Variants in ATP8A2 observed in about 807,000 individuals in gnomAD.
ATP8A2 encodes the protein phospholipid-transporting ATPase IB.
In ATP8A2, 100 loss-of-function variants were observed where a neutral mutation model predicts 165.6. The observed-to-expected ratio is 0.60, with a 90% CI of 0.51 to 0.71. The LOEUF (loss-of-function observed/expected upper bound fraction) is 0.71. ATP8A2 is among the 30% of genes least tolerant of loss of function. The pLI, the probability that ATP8A2 is intolerant of heterozygous loss-of-function variation, is 0.00. For synonymous variants in ATP8A2, 543 were observed against 548.8 expected, an observed-to-expected ratio of 0.99 and a Z score of 0.15; for missense variants, 1,227 against 1,479.5, an observed-to-expected ratio of 0.83 and a Z score of 2.80.
intron 30 of ATP8A2, among the ~76,000 whole-genome samples, chr13:25,851,540 GCCAC>G (rs1952009123): frequency 6.7e-6 from 1 of 149,498 alleles, no homozygotes; most frequent in African/African-American, 2.5e-5. Context: ...CTGAGATCGC[GCCAC>G]TGCACTCCAG....
chr13:25,853,389 T>TAAAAAA (rs58660867), intron 30 of ATP8A2, among the ~76,000 whole-genome samples: 14 of 72,272 alleles, frequency 1.9e-4, no homozygotes, highest in Admixed American at 6.4e-4. Flanking sequence ...AGACTCTATC[T>TAAAAAA]AAAAAAAATA....
At chr13:25,585,137 G>C (rs947860416) in intron 23 of ATP8A2, among the ~76,000 whole-genome samples, 7 of 152,182 alleles carry the variant, frequency 4.6e-5, no homozygotes, top group African/African-American at 1.7e-4. Context: ...CAATCATCTT[G>C]TGTATAGGTT....
chr13:25,540,459 T>C lies in ATP8A2; in HGVS notation c.651+71T>C. Reference sequence around the variant, plus strand: ...GCAAATGTGGTCCCCACATATCTTTTTCTAGAGAAATAAAATATTCAGCCA... The same window carrying C: ...GCAAATGTGGTCCCCACATATCTTTCTCTAGAGAAATAAAATATTCAGCCA... On this transcript the variant is annotated intron_variant, in intron 8 of 36. Transcript: ENST00000381655. The C allele has an allele frequency of 3.6e-6, 4 of 1,112,590 alleles. No homozygotes were observed. In the East Asian group the frequency reaches 9.4e-5, roughly 26 times the overall value. The allele number at this position is 1,112,590 out of a possible 1,614,324, so 68.9% of individuals were successfully genotyped here. A position where few individuals can be genotyped will look rare whatever the true frequency, so the allele number is the denominator to read the frequency against.
chr13:25,664,064 G>A (rs1190149356), intron 24 of ATP8A2, among the ~76,000 whole-genome samples: 4 of 151,806 alleles, frequency 2.6e-5, no homozygotes, highest in Non-Finnish European at 5.9e-5. Flanking sequence ...CAAAAATTAG[G>A]CTAGTGTGGT....
intron 34 of ATP8A2, among the ~76,000 whole-genome samples, chr13:25,964,529 C>G (rs1955732186): frequency 6.6e-6 from 1 of 152,228 alleles, no homozygotes. Flanking sequence ...TGAGATTTCT[C>G]TTTCTGAACT....
intron 30 of ATP8A2, among the ~76,000 whole-genome samples, chr13:25,844,087 A>G (rs577076201): frequency 5.3e-4 from 80 of 152,190 alleles, no homozygotes; most frequent in African/African-American, 1.8e-3. Context: ...TTTTAGTGGG[A>G]CTGGGGGTGG....
chr13:25,772,248 C>T (rs576171906), intron 26 of ATP8A2, among the ~76,000 whole-genome samples: 1 of 152,090 alleles, frequency 6.6e-6, no homozygotes, highest in African/African-American at 2.4e-5. Context: ...GTTTTCAGAA[C>T]GACCTCATGA....
chr13:25,413,278 GTT>G (rs1195456593), intron 1 of ATP8A2, among the ~76,000 whole-genome samples: 7,590 of 105,428 alleles, frequency 0.072, 639 homozygotes, highest in African/African-American at 0.26. Flanking sequence ...CTTTTTCTTT[GTT>G]TTTTTTTTTT....
At chr13:25,738,338 C>T (rs943335604) in intron 25 of ATP8A2, among the ~76,000 whole-genome samples, 18 of 25,574 alleles carry the variant, frequency 7.0e-4, no homozygotes, top group African/African-American at 1.6e-3. Context: ...TTTGTGCCCC[C>T]CTCCCCCCCC....
chr13:25,892,470 G>GTCTCTCTCTCTCTCTCTCTCTCTCTC (rs1194079051), intron 33 of ATP8A2, among the ~76,000 whole-genome samples: 1 of 115,064 alleles, frequency 8.7e-6, no homozygotes, highest in African/African-American at 5.1e-5. Context: ...CTCTCTCTCT[G>GTCTCTCTCTCTCTCTCTCTCTCTCTC]TCTCTCTGTC....
intron 25 of ATP8A2, among the ~76,000 whole-genome samples, chr13:25,743,280 G>A (rs940650959): frequency 3.3e-5 from 5 of 152,034 alleles, no homozygotes; most frequent in African/African-American, 9.7e-5. Flanking sequence ...GCCGAAAGAT[G>A]TCTGGAGCAG....
intron 2 of ATP8A2, among the ~76,000 whole-genome samples, chr13:25,519,085 TCTCC>T (rs143799559): frequency 0.016 from 2,374 of 152,256 alleles, 63 homozygotes; most frequent in African/African-American, 0.054. Context: ...GGCTCTTTAC[TCTCC>T]CTCCTACAGG....
rs192775904 is a variant in ATP8A2 at position 25,907,410 on chromosome 13, G to A, written c.3183+45002G>A. On this transcript the variant is annotated intron_variant, in intron 33 of 36. Transcript: ENST00000381655. ...AAATAAAAGGAGCTAAGTTAAAGTT[G>A]AATGCTCAGTTGGATAATCGTTTAC... Among the ~76,000 whole-genome samples the A allele has an allele frequency of 2.5e-3, 386 of 152,146 alleles. 2 individuals carry two copies. Among genetic ancestry groups the A allele is most frequent in the African/African-American group, 8.7e-3 (359 of 41,494 alleles).
chr13:25,900,448 G>C (rs1431787465), intron 33 of ATP8A2, among the ~76,000 whole-genome samples: 1 of 152,166 alleles, frequency 6.6e-6, no homozygotes, highest in Admixed American at 6.5e-5. Context: ...TGTGAGACAG[G>C]TGGGCTGTCA....
At chr13:25,798,831 C>T (rs530966915) in intron 27 of ATP8A2, among the ~76,000 whole-genome samples, 2 of 152,078 alleles carry the variant, frequency 1.3e-5, no homozygotes, top group Non-Finnish European at 2.9e-5. Context: ...AGCTTTACCT[C>T]TATCCTCTTA....
At chr13:25,656,984 T>C (rs1261577915) in intron 24 of ATP8A2, among the ~76,000 whole-genome samples, 1 of 127,912 alleles carries the variant, frequency 7.8e-6, no homozygotes, top group Non-Finnish European at 1.5e-5. Flanking sequence ...ACCCAGGAGA[T>C]GAAGGTTGCT....
chr13:25,581,365 T>C (rs1234151653), intron 22 of ATP8A2, among the ~76,000 whole-genome samples: 1 of 152,088 alleles, frequency 6.6e-6, no homozygotes, highest in African/African-American at 2.4e-5. Flanking sequence ...GATACTTGGA[T>C]TTTTTTTCTC....
At chr13:25,892,120 C>T (rs545577127) in intron 33 of ATP8A2, among the ~76,000 whole-genome samples, 34 of 151,916 alleles carry the variant, frequency 2.2e-4, no homozygotes, top group Admixed American at 2.0e-3. Context: ...GGACTACAGG[C>T]GCCCGCCACC....
chr13:25,554,849 T>A, intron 12 of ATP8A2, 142 bp from the exon 13 acceptor site: 1 of 526,602 alleles, frequency 1.9e-6, no homozygotes, highest in Non-Finnish European at 3.2e-6. Context: ...CATGAGCCAC[T>A]GCGCCCAGCC....
Sources: allele counts gnomAD v4.1 joint callset (sites outside exome capture counted in the v4.1 genomes callset), GRCh38; gene constraint gnomAD v4.1.1; transcripts MANE v1.5; gene names NCBI Gene and HGNC (gene_info 2026-07-23, HGNC 2026-07-21).